The following DDR2 variants were observed in gnomAD, a reference collection of about 807,000 sequenced individuals.
DDR2 encodes discoidin domain receptor tyrosine kinase 2, also known as discoidin domain-containing receptor 2.
In DDR2, 27 loss-of-function variants were observed where a neutral mutation model predicts 94.9. That is an observed-to-expected ratio of 0.28 (90% confidence interval 0.21 to 0.39). The LOEUF (loss-of-function observed/expected upper bound fraction) is 0.39. Ranked by LOEUF, DDR2 falls within the 10% of genes least tolerant of loss-of-function variation. DDR2 has a pLI of 1.00. For missense variants in DDR2, 783 were observed against 1,076.0 expected, an observed-to-expected ratio of 0.73 and a Z score of 3.81; for synonymous variants, 382 against 377.2, an observed-to-expected ratio of 1.01 and a Z score of -0.15.
chr1:162,755,055 C>A, intron 5 of DDR2, 101 bp from the exon 6 acceptor site: 3 of 1,549,244 alleles, frequency 1.9e-6, no homozygotes, highest in Non-Finnish European at 2.7e-6. Flanking sequence ...CATTCTGCTC[C>A]TCGAATTAAG....
intron 9 of DDR2, among the ~76,000 whole-genome samples, chr1:162,765,295 A>G (rs1442625064): frequency 1.3e-5 from 2 of 152,190 alleles, no homozygotes; most frequent in Admixed American, 6.5e-5. Context: ...CAGAGGCCAG[A>G]TACCTCCTTA....
chr1:162,757,436 C>G (rs1663515026), intron 7 of DDR2, among the ~76,000 whole-genome samples: 1 of 152,042 alleles, frequency 6.6e-6, no homozygotes, highest in South Asian at 2.1e-4. Flanking sequence ...GTTTAGGGGA[C>G]TGTCTGGGAG....
At chr1:162,696,658 A>G (rs1660207088) in intron 2 of DDR2, among the ~76,000 whole-genome samples, 1 of 151,332 alleles carries the variant, frequency 6.6e-6, no homozygotes, top group African/African-American at 2.4e-5. Flanking sequence ...CCCAGCCCCA[A>G]ATGCAACTGA....
intron 16 of DDR2, 70 bp downstream of exon 16, chr1:162,776,440 A>G: frequency 6.7e-7 from 1 of 1,483,884 alleles, no homozygotes; most frequent in Non-Finnish European, 9.4e-7. Context: ...ACACGTGGAG[A>G]CAAACCTGAG....
At chr1:162,664,482 G>T (rs1304979775) in intron 2 of DDR2, among the ~76,000 whole-genome samples, 1 of 152,020 alleles carries the variant, frequency 6.6e-6, no homozygotes, top group African/African-American at 2.4e-5. Context: ...AACCCTAAAT[G>T]ACCAGCCTTG....
chr1:162,714,332 T>A (rs1661055024), intron 2 of DDR2, among the ~76,000 whole-genome samples: 1 of 152,170 alleles, frequency 6.6e-6, no homozygotes, highest in Non-Finnish European at 1.5e-5. Flanking sequence ...CATGTCTCAT[T>A]TGTGCAGGCC....
chr1:162,677,301 A>T (rs1659179742), intron 2 of DDR2, among the ~76,000 whole-genome samples: 1 of 152,038 alleles, frequency 6.6e-6, no homozygotes, highest in Non-Finnish European at 1.5e-5. Flanking sequence ...TTGGTGGAAA[A>T]CTTCAAATTT....
chr1:162,632,688 C>T (rs1396361352), intron 1 of DDR2, 57 bp downstream of exon 1: 2 of 152,088 alleles, frequency 1.3e-5, no homozygotes, highest in African/African-American at 4.8e-5. Context: ...AATGAAAGCT[C>T]CGCATATACT....
chr1:162,694,127 G>A (rs189071181), intron 2 of DDR2, among the ~76,000 whole-genome samples: 18 of 152,160 alleles, frequency 1.2e-4, no homozygotes, highest in Non-Finnish European at 1.3e-4. Flanking sequence ...CCCCTCCATT[G>A]TTGCCTATTT....
chr1:162,779,990 A>C, intron 17 of DDR2, 122 bp from the exon 18 acceptor site: 1 of 1,426,226 alleles, frequency 7.0e-7, no homozygotes, highest in Admixed American at 1.7e-5. Flanking sequence ...TTCAGTTATC[A>C]AGTTCAAGAA....
intron 2 of DDR2, among the ~76,000 whole-genome samples, chr1:162,685,641 T>C (rs1553243508): frequency 6.6e-6 from 1 of 152,002 alleles, no homozygotes; most frequent in Non-Finnish European, 1.5e-5. Context: ...CTGGCTGTAA[T>C]ATCCTAAGAG....
At chr1:162,672,446 C>A (rs1453270400) in intron 2 of DDR2, among the ~76,000 whole-genome samples, 2 of 118,468 alleles carry the variant, frequency 1.7e-5, no homozygotes, top group Admixed American at 8.4e-5. Flanking sequence ...AAGTAGTGCA[C>A]AAATTAGTGC....
intron 1 of DDR2, among the ~76,000 whole-genome samples, chr1:162,651,921 A>T (rs961133685): frequency 9.9e-5 from 15 of 152,202 alleles, no homozygotes; most frequent in Non-Finnish European, 1.9e-4. Flanking sequence ...TAAGACCATC[A>T]GCCTACGGTT....
intron 11 of DDR2, among the ~76,000 whole-genome samples, chr1:162,767,807 G>GGTGTGTGTGTTTGT (rs34949546): frequency 0.75 from 111,467 of 149,386 alleles, 42,281 homozygotes; most frequent in East Asian, 0.86. Flanking sequence ...TTGTCTGTTT[G>GGTGTGTGTGTTTGT]GTGTGTGTGT....
chr1:162,740,897 T>G (rs1245122486), intron 3 of DDR2, among the ~76,000 whole-genome samples: 1 of 152,144 alleles, frequency 6.6e-6, no homozygotes, highest in Non-Finnish European at 1.5e-5. Flanking sequence ...AGAACAGCTC[T>G]CTGACTAAGC....
chr1:162,706,790 C>T lies in DDR2; in HGVS notation c.-27-12247C>T, dbSNP rs543700480. ...GGAAGCTTCCTGAGTGGAGATGGAG[C>T]CTATAGGTGTTTAATCGCCTGGAAC... On this transcript the variant is annotated intron_variant, in intron 2 of 17. Transcript: ENST00000367921. Among the ~76,000 whole-genome samples the T allele has an allele frequency of 1.9e-3, 283 of 152,118 alleles. 2 individuals carry two copies. Among genetic ancestry groups the T allele is most frequent in the Non-Finnish European group, 2.9e-3 (198 of 68,004 alleles).
intron 2 of DDR2, among the ~76,000 whole-genome samples, chr1:162,701,167 A>T (rs186939670): frequency 1.3e-5 from 2 of 152,292 alleles, no homozygotes; most frequent in East Asian, 3.9e-4. Flanking sequence ...CATTCTTTAC[A>T]ACTATTAAGT....
chr1:162,670,774 AC>A (rs1267281390), intron 2 of DDR2, among the ~76,000 whole-genome samples: 1 of 152,176 alleles, frequency 6.6e-6, no homozygotes, highest in Non-Finnish European at 1.5e-5. Context: ...GTCTGTTGAT[AC>A]CCAGAGGCTC....
intron 2 of DDR2, among the ~76,000 whole-genome samples, chr1:162,660,804 T>A (rs1658255344): frequency 6.6e-6 from 1 of 152,210 alleles, no homozygotes; most frequent in Admixed American, 6.5e-5. Context: ...AAAGAAAGTT[T>A]TATTAGATCA....
Sources: allele counts gnomAD v4.1 joint callset (sites outside exome capture counted in the v4.1 genomes callset), GRCh38; gene constraint gnomAD v4.1.1; transcripts MANE v1.5; gene names NCBI Gene and HGNC (gene_info 2026-07-23, HGNC 2026-07-21).